Variants in NLRP5 observed in about 807,000 individuals in gnomAD.
The protein encoded by NLRP5 is NACHT, LRR and PYD domains-containing protein 5.
A neutral mutation model predicts 113.1 loss-of-function variants in NLRP5; 93 were observed. That is an observed-to-expected ratio of 0.82 (90% confidence interval 0.70 to 0.98). NLRP5 has a LOEUF of 0.98. NLRP5 is among the 50% of genes least tolerant of loss of function. The probability of loss-of-function intolerance (pLI) is 0.00; values close to 1 mark genes in which losing one functional copy is unlikely to be tolerated. For synonymous variants in NLRP5, 751 were observed against 600.7 expected, an observed-to-expected ratio of 1.25 and a Z score of -3.66; for missense variants, 1,808 against 1,514.3, an observed-to-expected ratio of 1.19 and a Z score of -3.22.
At chr19:56,006,547 C>T (rs1981920651) in intron 2 of NLRP5, among the ~76,000 whole-genome samples, 1 of 151,858 alleles carries the variant, frequency 6.6e-6, no homozygotes, top group African/African-American at 2.4e-5. Flanking sequence ...GCCTGGCCAA[C>T]ATGGTGAAAC....
chr19:55,998,224 T>C (rs1981400353), upstream of NLRP5, among the ~76,000 whole-genome samples: 1 of 151,872 alleles, frequency 6.6e-6, no homozygotes, highest in South Asian at 2.1e-4. Flanking sequence ...AGGTGTGGGG[T>C]GTGCACCTGT....
chr19:56,003,366 C>G (rs1981729681), intron 1 of NLRP5, among the ~76,000 whole-genome samples: 1 of 152,194 alleles, frequency 6.6e-6, no homozygotes, highest in Admixed American at 6.5e-5. Flanking sequence ...GTTGGCCAGG[C>G]TGGTCTTGAA....
rs369527947 is a variant in NLRP5 at position 56,003,773 on chromosome 19, C to T, written c.120C>T (p.Phe40=). 16 of 1,613,428 alleles carry T rather than the reference C, an allele frequency of 9.9e-6. No individual in the cohort carries two copies. Among genetic ancestry groups the T allele is most frequent in the Non-Finnish European group, 1.4e-5 (16 of 1,179,808 alleles). ...CTATATTACCAAAGAATCCACTTTTCCCCCAAAACCTGAGCTCTCAGCCTT... is the reference window on the plus strand; with the variant it reads ...CTATATTACCAAAGAATCCACTTTTTCCCCAAAACCTGAGCTCTCAGCCTT... The change falls in exon 2 of 15, where the codon TTC becomes TTT. Residue 40 remains phenylalanine (F), a synonymous_variant. Transcript: ENST00000390649.
intron 3 of NLRP5, among the ~76,000 whole-genome samples, chr19:56,010,535 G>A (rs148760094): frequency 0.038 from 5,770 of 151,030 alleles, 358 homozygotes; most frequent in African/African-American, 0.13. Context: ...ACCTGAGGTC[G>A]GGAGTTCGAG....
chr19:56,016,389 G>A (rs1982403896), intron 4 of NLRP5, among the ~76,000 whole-genome samples: 1 of 152,128 alleles, frequency 6.6e-6, no homozygotes, highest in Admixed American at 6.5e-5. Flanking sequence ...CCGACCTCAG[G>A]TGATCCACCC....
At position 56,053,694 on chromosome 19, in the gene NLRP5, CGAG is replaced by C; in HGVS notation, c.3189_3191del (p.Arg1063del). 1.2e-6 allele frequency: 2 copies of C among 1,613,794 alleles called. No homozygotes were observed. The highest frequency in any genetic ancestry group is 8.5e-7 in the Non-Finnish European group (1 of 1,179,822). On this transcript the variant is annotated inframe_deletion, in exon 13 of 15. Coordinates refer to ENST00000390649, the MANE Select transcript of NLRP5 (RefSeq NM_153447.4). Reference sequence around the variant, plus strand: ...TGTGAGAGTCTGTCCTGTGTGATCTCGAGGAGCAGACACCTGAAGAGCCTGGAT... The same window carrying C: ...TGTGAGAGTCTGTCCTGTGTGATCTCGAGCAGACACCTGAAGAGCCTGGAT...
intron 9 of NLRP5, among the ~76,000 whole-genome samples, chr19:56,036,161 T>TCACGCCATTCTCCTGCCTC (rs1804222246): frequency 6.8e-6 from 1 of 147,528 alleles, no homozygotes; most frequent in Non-Finnish European, 1.5e-5. Context: ...CCTCCTGGGT[T>TCACGCCATTCTCCTGCCTC]CACGCCATTC....
chr19:56,005,571 TTA>T (rs1346675775), intron 2 of NLRP5, among the ~76,000 whole-genome samples: 16 of 95,652 alleles, frequency 1.7e-4, no homozygotes, highest in African/African-American at 5.6e-4. Context: ...ACATATATAT[TTA>T]TACACACACG....
chr19:55,988,031 C>G, the NLRP5 span: 12 of 716,562 alleles, frequency 1.7e-5, no homozygotes, highest in Non-Finnish European at 2.7e-5. Flanking sequence ...ACAGAGCAAC[C>G]CAGTCAACAC....
intron 12 of NLRP5, 71 bp downstream of exon 12, chr19:56,050,659 A>T: frequency 1.4e-6 from 2 of 1,450,840 alleles, no homozygotes; most frequent in Admixed American, 4.4e-5. Context: ...GTCAAGAGAT[A>T]GGAGCAGGGA....
rs768523758 is a variant in NLRP5 at position 56,027,136 on chromosome 19, G to A, written c.903G>A (p.Leu301=). 4.4e-6 allele frequency: 7 copies of A among 1,598,064 alleles called. No individual in the cohort carries two copies. The South Asian group carries it at 5.7e-5, about 13-fold the overall frequency. The stretch of plus-strand genomic sequence containing the variant: ...CGGCTCTAGCCAGAAGGATCGTGCT[G>A]TGCTGGGCGCAAGGTGGACTCTACC... Residue 301 remains leucine (L), a synonymous_variant, in exon 7 of 15, where the codon CTG becomes CTA. Coordinates refer to ENST00000390649, the MANE Select transcript of NLRP5 (RefSeq NM_153447.4).
intron 4 of NLRP5, among the ~76,000 whole-genome samples, chr19:56,017,782 G>A (rs183475365): frequency 1.3e-5 from 2 of 152,214 alleles, no homozygotes; most frequent in African/African-American, 4.8e-5. Context: ...GGTAAATAGC[G>A]TCACTATGTG....
intron 1 of NLRP5, among the ~76,000 whole-genome samples, chr19:56,000,050 G>A (rs1981572133): frequency 6.6e-6 from 1 of 151,268 alleles, no homozygotes; most frequent in South Asian, 2.1e-4. Context: ...TCCAGGGACT[G>A]CCACCTCTCC....
At chr19:56,012,834 G>T (rs989993401) in intron 3 of NLRP5, among the ~76,000 whole-genome samples, 6 of 152,140 alleles carry the variant, frequency 3.9e-5, no homozygotes, top group Non-Finnish European at 8.8e-5. Context: ...TTGCTGATAA[G>T]TCACTTCAAA....
chr19:56,052,535 G>C (rs1228557749), intron 12 of NLRP5, among the ~76,000 whole-genome samples: 1 of 152,174 alleles, frequency 6.6e-6, no homozygotes, highest in East Asian at 1.9e-4. Flanking sequence ...CTCCCAAAGT[G>C]CTGGGATTAG....
At chr19:55,991,529 C>G in the NLRP5 span, among the ~76,000 whole-genome samples, 1 of 152,120 alleles carries the variant, frequency 6.6e-6, no homozygotes, top group Non-Finnish European at 1.5e-5. Context: ...GCTCTCAAAA[C>G]AGATAGCCAC....
At chr19:56,005,266 CAT>C (rs1568481599) in intron 2 of NLRP5, among the ~76,000 whole-genome samples, 1 of 145,648 alleles carries the variant, frequency 6.9e-6, no homozygotes, top group African/African-American at 2.5e-5. Flanking sequence ...TATATATACA[CAT>C]ACACATATAC....
chr19:55,991,761 T>G, the NLRP5 span, among the ~76,000 whole-genome samples: 3 of 152,222 alleles, frequency 2.0e-5, no homozygotes, highest in Non-Finnish European at 4.4e-5. Flanking sequence ...TTTATCTGAT[T>G]GCTTTCCTAT....
intron 12 of NLRP5, among the ~76,000 whole-genome samples, chr19:56,052,830 C>T (rs1337965761): frequency 6.6e-6 from 1 of 152,146 alleles, no homozygotes; most frequent in Non-Finnish European, 1.5e-5. Flanking sequence ...GTCCCCTTTT[C>T]TCTCCATCTT....
Sources: allele counts gnomAD v4.1 joint callset (sites outside exome capture counted in the v4.1 genomes callset), GRCh38; gene constraint gnomAD v4.1.1; transcripts MANE v1.5; gene names NCBI Gene and HGNC (gene_info 2026-07-23, HGNC 2026-07-21).